The following NSD1 variants were observed in gnomAD, a reference collection of about 807,000 sequenced individuals.
NSD1 encodes the protein nuclear receptor binding SET domain protein 1, also known as histone-lysine N-methyltransferase, H3 lysine-36 specific.
In NSD1, 26 loss-of-function variants were observed where a neutral mutation model predicts 242.7. The observed-to-expected ratio is 0.11, with a 90% CI of 0.08 to 0.15. The LOEUF is 0.15. NSD1 is among the 10% of genes least tolerant of loss of function. NSD1 has a pLI of 1.00. For missense variants in NSD1, 2,495 were observed against 3,272.8 expected, an observed-to-expected ratio of 0.76 and a Z score of 5.80; for synonymous variants, 1,106 against 1,178.1, an observed-to-expected ratio of 0.94 and a Z score of 1.25.
At chr5:177,250,634 T>A (rs1755863443) in intron 11 of NSD1, among the ~76,000 whole-genome samples, 1 of 152,126 alleles carries the variant, frequency 6.6e-6, no homozygotes, top group Admixed American at 6.5e-5. Flanking sequence ...TATATAGTGC[T>A]ATTTTTCAGT....
chr5:177,235,341 A>G (rs114649298), intron 5 of NSD1, among the ~76,000 whole-genome samples: 43 of 152,340 alleles, frequency 2.8e-4, no homozygotes, highest in African/African-American at 9.9e-4. Flanking sequence ...TTTGGGTCCC[A>G]TCCCCAAGAT....
chr5:177,209,792 G>C lies in NSD1; in HGVS notation c.1393G>C (p.Glu465Gln), dbSNP rs1373466948. 1 of 1,614,128 alleles carries C rather than the reference G, an allele frequency of 6.2e-7. No individual in the cohort carries two copies. The highest frequency in any genetic ancestry group is 1.3e-5 in the African/African-American group (1 of 75,034). The change falls in exon 5 of 23, where the codon GAG (glutamate) becomes CAG (glutamine). Residue 465 changes from glutamate to glutamine, a missense_variant. Glu to Gln is a conservative substitution (Grantham distance 29). Transcript: ENST00000439151. Reference sequence around the variant, plus strand: ...ATTTGAAGACTGCACAAATGATCCTGAGTCAGAACATGACCTGTTGCTTAA... The same window carrying C: ...ATTTGAAGACTGCACAAATGATCCTCAGTCAGAACATGACCTGTTGCTTAA... ...MPFEDCTNDPESEHDLLLNGC... is the reference protein window; with the variant it reads ...MPFEDCTNDPQSEHDLLLNGC...
rs759752528 is a variant in NSD1, at chr5:177,294,235, G to A, written c.6867G>A (p.Arg2289=). The change falls in exon 23 of 23, where the codon AGG becomes AGA. Residue 2289 remains arginine (R), a synonymous_variant. Coordinates refer to ENST00000439151, the MANE Select transcript of NSD1 (RefSeq NM_022455.5). ...GACCTCTTGAGAGAACTGACTCCAG[G>A]CCCCAGCCTTTAGATAAGGTCAGAG... is the stretch of plus-strand genomic sequence containing the variant. ...PERPLERTDS[R]PQPLDKVRDL... The A allele has an allele frequency of 3.1e-6, 5 of 1,613,414 alleles. No individual in the cohort carries two copies. The South Asian group carries it at 4.4e-5, about 14-fold the overall frequency.
At chr5:177,187,737 C>T (rs1761350495) in intron 2 of NSD1, among the ~76,000 whole-genome samples, 1 of 152,126 alleles carries the variant, frequency 6.6e-6, no homozygotes, top group African/African-American at 2.4e-5. Flanking sequence ...TCTATTTGTG[C>T]CTGTCTTTGT....
intron 11 of NSD1, among the ~76,000 whole-genome samples, chr5:177,250,875 C>G (rs1048486736): frequency 6.6e-5 from 10 of 152,154 alleles, no homozygotes; most frequent in Non-Finnish European, 1.5e-4. Flanking sequence ...CCCTTGTTTG[C>G]TTTTCATAGT....
At chr5:177,139,021 G>A (rs1463543196) in intron 2 of NSD1, among the ~76,000 whole-genome samples, 4 of 150,348 alleles carry the variant, frequency 2.7e-5, no homozygotes, top group Admixed American at 6.6e-5. Context: ...AGGCTGAGGC[G>A]GGTGGATCAC....
chr5:177,232,557 G>C (rs1765141837), intron 5 of NSD1, among the ~76,000 whole-genome samples: 1 of 152,164 alleles, frequency 6.6e-6, no homozygotes, highest in Non-Finnish European at 1.5e-5. Flanking sequence ...CTTCAGCTTA[G>C]ATGTATCTTT....
intron 2 of NSD1, among the ~76,000 whole-genome samples, chr5:177,164,946 T>TAAA (rs377654174): frequency 7.4e-6 from 1 of 134,460 alleles, no homozygotes. Flanking sequence ...TCTGTCTCAT[T>TAAA]AAAAAAAAAA....
chr5:177,273,360 G>A (rs933393449), intron 16 of NSD1, among the ~76,000 whole-genome samples: 14 of 141,976 alleles, frequency 9.9e-5, no homozygotes, highest in African/African-American at 2.6e-4. Context: ...TATGATATCC[G>A]CCACCACAGA....
chr5:177,195,844 A>ATT (rs1172414241), intron 3 of NSD1, among the ~76,000 whole-genome samples: 1 of 152,102 alleles, frequency 6.6e-6, no homozygotes, highest in Non-Finnish European at 1.5e-5. Flanking sequence ...CCTTGTATAG[A>ATT]TTGAGTACTG....
chr5:177,239,822 C>G lies in NSD1; in HGVS notation c.4259C>G (p.Pro1420Arg), dbSNP rs1227474763. The G allele has an allele frequency of 3.7e-6, 6 of 1,613,100 alleles. No homozygotes were observed. The highest frequency in any genetic ancestry group is 1.3e-5 in the African/African-American group (1 of 74,996). The change falls in exon 8 of 23, where the codon CCT (proline) becomes CGT (arginine). Residue 1420 changes from proline (P) to arginine (R), a missense_variant. Transcript: ENST00000439151. Reference protein sequence around the residue: ...KKLLESNDLDPGFMPKKGDLG... With the variant: ...KKLLESNDLDRGFMPKKGDLG... ...CTTCTTGAATCCAATGATTTAGACC[C>G]TGGATTTATGCCCAAGAAGGGGGAC...
chr5:177,204,678 G>C (rs1279966768), intron 4 of NSD1, among the ~76,000 whole-genome samples: 1 of 152,170 alleles, frequency 6.6e-6, no homozygotes, highest in African/African-American at 2.4e-5. Flanking sequence ...AGTTAGCAGA[G>C]AGGAGGCAGG....
At chr5:177,181,484 G>A (rs1760683343) in intron 2 of NSD1, among the ~76,000 whole-genome samples, 1 of 116,462 alleles carries the variant, frequency 8.6e-6, no homozygotes, top group Non-Finnish European at 1.6e-5. Context: ...GGAGCGCATT[G>A]GCACAATCTC....
chr5:177,186,486 A>G (rs1653854534), intron 2 of NSD1, among the ~76,000 whole-genome samples: 1 of 152,120 alleles, frequency 6.6e-6, no homozygotes, highest in South Asian at 2.1e-4. Flanking sequence ...GAAGTGCAAC[A>G]TAGGTTTGAT....
intron 2 of NSD1, among the ~76,000 whole-genome samples, chr5:177,175,422 T>C (rs1489020533): frequency 6.6e-6 from 1 of 152,000 alleles, no homozygotes; most frequent in Non-Finnish European, 1.5e-5. Flanking sequence ...ACCCTTGAGT[T>C]TGAAACCAGC....
Position 177,223,294 on chromosome 5 carries a change from G to A in NSD1, c.3796+11099G>A, listed in dbSNP as rs557914988. 5.9e-5 allele frequency among the ~76,000 whole-genome samples: 9 copies of A among 151,998 alleles called. No individual in the cohort carries two copies. In the South Asian group the frequency reaches 1.7e-3, roughly 28 times the overall value. On this transcript the variant is annotated intron_variant, in intron 5 of 22. Transcript: ENST00000439151. ...CCAGTCTAGGCACGGTGGCTAGGCC[G>A]GGCACGGTGGCTCACAGCTTTAATC...
At chr5:177,271,959 TA>T (rs1056874822) in intron 16 of NSD1, among the ~76,000 whole-genome samples, 1 of 151,816 alleles carries the variant, frequency 6.6e-6, no homozygotes, top group Non-Finnish European at 1.5e-5. Flanking sequence ...CTGTCTCTAC[TA>T]AAAATAAAAA....
intron 16 of NSD1, among the ~76,000 whole-genome samples, chr5:177,270,371 C>T (rs1304634182): frequency 1.3e-5 from 2 of 152,306 alleles, no homozygotes; most frequent in East Asian, 1.9e-4. Flanking sequence ...ACTTCGAACC[C>T]GGTTTTCTCT....
At position 177,135,863 on chromosome 5, in the gene NSD1, C is replaced by G. The variant is rs149334244; in HGVS notation, c.760C>G (p.Leu254Val). 1.9e-6 allele frequency: 3 copies of G among 1,606,222 alleles called. No homozygotes were observed. Among genetic ancestry groups the G allele is most frequent in the Non-Finnish European group, 2.6e-6 (3 of 1,174,198 alleles). ...VDGSNEKAAL[L>V]PAPFSLGDTN... ...CGGCAGCAATGAAAAAGCAGCCCTT[C>G]TCCCAGCCCCCTTTTCACTAGGAGA... Residue 254 changes from leucine to valine, a missense_variant, in exon 2 of 23, where the codon CTC (leucine) becomes GTC (valine). This residue lies in a region of NSD1 where 376 missense variants were observed against 367.4 expected (regional missense o/e 1.02). Transcript: ENST00000439151.
Sources: gnomAD v4.1 joint callset for allele counts (sites outside exome capture counted in the v4.1 genomes callset) on GRCh38, gnomAD v4.1.1 for gene constraint, gnomAD v4.1.1 regional missense constraint, MANE v1.5 for transcripts, NCBI Gene and HGNC (gene_info 2026-07-23, HGNC 2026-07-21) for gene names.